The following FALEC variants were observed in gnomAD, a reference collection of about 807,000 sequenced individuals.
FALEC encodes the protein focally amplified lncRNA on chromosome 1.
At chr1:150,518,592 C>T (rs587754013), downstream of FALEC, among the ~76,000 whole-genome samples, 28 of 151,568 alleles carry the variant, frequency 1.8e-4, no homozygotes, top group South Asian at 4.2e-4. Flanking sequence ...TTCTCCATGT[C>T]GTTCAGGCTA....
chr1:150,534,917 T>C, the FALEC span, among the ~76,000 whole-genome samples: 2 of 151,520 alleles, frequency 1.3e-5, no homozygotes, highest in African/African-American at 4.8e-5. Flanking sequence ...TCCCCACAAA[T>C]AGGCTCTGGC....
At chr1:150,535,695 C>T in the FALEC span, among the ~76,000 whole-genome samples, 1 of 151,130 alleles carries the variant, frequency 6.6e-6, no homozygotes, top group African/African-American at 2.4e-5. Flanking sequence ...GGTCCATGGC[C>T]CCCTCCACAC....
chr1:150,518,745 A>T (rs1310140530), downstream of FALEC, among the ~76,000 whole-genome samples: 1 of 152,052 alleles, frequency 6.6e-6, no homozygotes, highest in Non-Finnish European at 1.5e-5. Context: ...GGCCAAAATT[A>T]CATAGTTAAC....
At chr1:150,522,856 T>TATATATATACATATATATAC (rs1553907906), downstream of FALEC, among the ~76,000 whole-genome samples, 1 of 116,852 alleles carries the variant, frequency 8.6e-6, no homozygotes, top group African/African-American at 3.3e-5. Flanking sequence ...TCTCTCTATA[T>TATATATATACATATATATAC]ATATATATAC....
chr1:150,522,878 T>TATATATACGTATATATATATACAC (rs1553907913), downstream of FALEC, among the ~76,000 whole-genome samples: 13 of 92,956 alleles, frequency 1.4e-4, no homozygotes, highest in African/African-American at 4.8e-4. Context: ...TATATATACA[T>TATATATACGTATATATATATACAC]ATATATATAC....
chr1:150,532,168 A>C, the FALEC span, among the ~76,000 whole-genome samples: 5 of 152,114 alleles, frequency 3.3e-5, no homozygotes, highest in African/African-American at 1.2e-4. Flanking sequence ...CGGCCTCCCA[A>C]AGTGCTGGGA....
the FALEC span, among the ~76,000 whole-genome samples, chr1:150,535,275 A>C: frequency 6.6e-6 from 1 of 151,920 alleles, no homozygotes; most frequent in Non-Finnish European, 1.5e-5. Flanking sequence ...ACCGAGTCTC[A>C]CTCTGTTATC....
At chr1:150,526,931 G>A in the FALEC span, among the ~76,000 whole-genome samples, 1 of 151,446 alleles carries the variant, frequency 6.6e-6, no homozygotes, top group Non-Finnish European at 1.5e-5. Context: ...ACCACGCCTG[G>A]CCTATATATT....
the FALEC span, among the ~76,000 whole-genome samples, chr1:150,534,632 A>G: frequency 1.5e-3 from 222 of 152,190 alleles, no homozygotes; most frequent in African/African-American, 3.6e-3. Flanking sequence ...TCATGAGGTC[A>G]GGAAATCGAG....
chr1:150,526,530 T>A, the FALEC span, among the ~76,000 whole-genome samples: 2 of 57,690 alleles, frequency 3.5e-5, no homozygotes, highest in African/African-American at 7.8e-5. Flanking sequence ...GAACCTAATG[T>A]TGTTTTTTTT....
chr1:150,532,413 T>C, the FALEC span, among the ~76,000 whole-genome samples: 3 of 152,134 alleles, frequency 2.0e-5, no homozygotes, highest in East Asian at 3.9e-4. Context: ...GAGAAGCCAA[T>C]TGACTCAGAT....
At chr1:150,525,550 C>G in the FALEC span, among the ~76,000 whole-genome samples, 1 of 152,114 alleles carries the variant, frequency 6.6e-6, no homozygotes, top group Non-Finnish European at 1.5e-5. Context: ...AATATTTTGT[C>G]CATTTACACT....
At chr1:150,522,962 T>C (rs1436319147), downstream of FALEC, among the ~76,000 whole-genome samples, 3 of 29,548 alleles carry the variant, frequency 1.0e-4, no homozygotes, top group Non-Finnish European at 1.5e-4. Context: ...TATATATATA[T>C]ATATATATAT....
At chr1:150,522,940 T>TGG, downstream of FALEC, among the ~76,000 whole-genome samples, 1 of 4,078 alleles carries the variant, frequency 2.5e-4, no homozygotes, top group Non-Finnish European at 5.1e-4. Flanking sequence ...TATATGTGTG[T>TGG]GTGTGTGTGT....
chr1:150,525,703 G>T, the FALEC span, among the ~76,000 whole-genome samples: 6 of 152,116 alleles, frequency 3.9e-5, no homozygotes, highest in African/African-American at 1.4e-4. Flanking sequence ...CTTATTTAAG[G>T]CTAGTAACCA....
chr1:150,517,740 T>C (rs1008660312), intron 1 of FALEC: 22 of 152,266 alleles, frequency 1.4e-4, no homozygotes, highest in African/African-American at 4.6e-4. Flanking sequence ...ACATTTCTGC[T>C]GTTTAACCCA....
chr1:150,522,426 C>T (rs937712701), downstream of FALEC, among the ~76,000 whole-genome samples: 1 of 151,904 alleles, frequency 6.6e-6, no homozygotes, highest in Non-Finnish European at 1.5e-5. Context: ...AGTTCAAGAC[C>T]AGCCTGGGCA....
the FALEC span, among the ~76,000 whole-genome samples, chr1:150,535,290 C>T: frequency 6.6e-6 from 1 of 152,292 alleles, no homozygotes; most frequent in African/African-American, 2.4e-5. Context: ...GTTATCCAGG[C>T]TGGAGTGCGG....
the FALEC span, among the ~76,000 whole-genome samples, chr1:150,526,790 C>A: frequency 2.6e-5 from 4 of 151,870 alleles, no homozygotes; most frequent in African/African-American, 7.3e-5. Context: ...CCCACCACCA[C>A]GCCCGGCTAA....
Sources: gnomAD v4.1 joint callset for allele counts (sites outside exome capture counted in the v4.1 genomes callset) on GRCh38, gnomAD v4.1.1 for gene constraint, MANE v1.5 for transcripts, NCBI Gene and HGNC (gene_info 2026-07-23, HGNC 2026-07-21) for gene names.